The following WARS2 variants were observed in gnomAD, a reference collection of about 807,000 sequenced individuals.
WARS2 encodes tryptophan--tRNA ligase, mitochondrial.
WARS2 carries 28 observed loss-of-function variants against 36.5 expected under a neutral mutation model. That is an observed-to-expected ratio of 0.77 (90% confidence interval 0.57 to 1.05). The LOEUF is 1.05. Ranked by LOEUF, WARS2 falls within the 50% of genes least tolerant of loss-of-function variation. The pLI, the probability that WARS2 is intolerant of heterozygous loss-of-function variation, is 0.00. For missense variants in WARS2, 435 were observed against 456.8 expected, an observed-to-expected ratio of 0.95 and a Z score of 0.44; for synonymous variants, 174 against 178.4, an observed-to-expected ratio of 0.98 and a Z score of 0.20.
intron 1 of WARS2, chr1:119,085,839 A>G: frequency 6.2e-7 from 1 of 1,610,510 alleles, no homozygotes; most frequent in Non-Finnish European, 8.5e-7. Context: ...CCCTCCCAGG[A>G]AGATCCAGGC....
At chr1:119,124,584 A>G (rs1348368328) in intron 1 of WARS2, among the ~76,000 whole-genome samples, 2 of 152,122 alleles carry the variant, frequency 1.3e-5, no homozygotes, top group Non-Finnish European at 2.9e-5. Context: ...TCATGAAACC[A>G]TCTTCACCAC....
intron 1 of WARS2, chr1:119,085,693 T>C: frequency 6.8e-7 from 1 of 1,476,924 alleles, no homozygotes; most frequent in Admixed American, 1.7e-5. Flanking sequence ...ATTGTGCTCC[T>C]CTGGTCTTCA....
intron 3 of WARS2, among the ~76,000 whole-genome samples, chr1:119,043,559 C>T (rs530489619): frequency 2.6e-5 from 4 of 152,150 alleles, no homozygotes; most frequent in African/African-American, 7.2e-5. Context: ...TGCTCTAGGC[C>T]ATTCAAAGGA....
intron 1 of WARS2, among the ~76,000 whole-genome samples, chr1:119,133,452 A>G (rs1424776318): frequency 1.3e-5 from 2 of 152,236 alleles, no homozygotes; most frequent in African/African-American, 4.8e-5. Context: ...GTTTGGAATC[A>G]GGCTAGCTGG....
rs777533792 is a variant in WARS2 at position 119,042,871 on chromosome 1, G to C, written c.430-522C>G. 1.1e-4 allele frequency among the ~76,000 whole-genome samples: 17 copies of C among 152,166 alleles called. 1 individual carries two copies. The highest frequency in any genetic ancestry group is 4.4e-5 in the Non-Finnish European group (3 of 68,038). On this transcript the variant is annotated intron_variant, in intron 3 of 5. Transcript: ENST00000235521. Reference sequence around the variant, plus strand: ...CATGGCATTTAAAAAATAAAAGTAAGTGAGAGAAATATTCATCTAACCAAT... The same window carrying C: ...CATGGCATTTAAAAAATAAAAGTAACTGAGAGAAATATTCATCTAACCAAT...
intron 1 of WARS2, among the ~76,000 whole-genome samples, chr1:119,117,769 T>C (rs1286923681): frequency 6.6e-6 from 1 of 152,150 alleles, no homozygotes; most frequent in South Asian, 2.1e-4. Context: ...CACAGGACTC[T>C]TTACAGCACT....
intron 1 of WARS2, among the ~76,000 whole-genome samples, chr1:119,091,633 T>A (rs1653054434): frequency 6.6e-6 from 1 of 152,194 alleles, no homozygotes; most frequent in Non-Finnish European, 1.5e-5. Flanking sequence ...GATATACTTG[T>A]TTCATTGAGA....
intron 1 of WARS2, chr1:119,082,333 T>TA: frequency 1.0e-6 from 1 of 985,430 alleles, no homozygotes; most frequent in Non-Finnish European, 1.2e-6. Flanking sequence ...ACACGTGCTG[T>TA]ACCTACCATC....
At chr1:119,034,822 G>A (rs966156299) in intron 4 of WARS2, among the ~76,000 whole-genome samples, 4 of 152,066 alleles carry the variant, frequency 2.6e-5, no homozygotes, top group Non-Finnish European at 5.9e-5. Flanking sequence ...AAACTATGTG[G>A]GATGAAAAAA....
At chr1:119,060,630 G>A (rs528513822) in intron 2 of WARS2, among the ~76,000 whole-genome samples, 7 of 152,248 alleles carry the variant, frequency 4.6e-5, no homozygotes, top group East Asian at 1.9e-4. Flanking sequence ...AAAAATCAAC[G>A]GCCTGAAGGC....
chr1:119,119,125 C>A (rs1436697943), intron 1 of WARS2, among the ~76,000 whole-genome samples: 5 of 152,124 alleles, frequency 3.3e-5, no homozygotes, highest in African/African-American at 1.2e-4. Flanking sequence ...TTAAAAGATA[C>A]AGAATGGGAG....
intron 3 of WARS2, 83 bp downstream of exon 3, chr1:119,045,499 G>T: frequency 1.7e-6 from 2 of 1,178,470 alleles, no homozygotes; most frequent in East Asian, 2.6e-5. Flanking sequence ...CCAGGGAGGA[G>T]AGTAAACTCA....
intron 2 of WARS2, among the ~76,000 whole-genome samples, chr1:119,059,422 G>A (rs1037926602): frequency 6.6e-6 from 1 of 151,932 alleles, no homozygotes; most frequent in African/African-American, 2.4e-5. Flanking sequence ...TTTCTTCTAG[G>A]GTTTTTATGG....
chr1:119,114,263 G>A (rs1654826126), intron 1 of WARS2, among the ~76,000 whole-genome samples: 3 of 152,108 alleles, frequency 2.0e-5, no homozygotes, highest in Admixed American at 1.3e-4. Flanking sequence ...AAAACAAGTC[G>A]CCAACCTACA....
At chr1:119,138,179 C>T (rs1656648558) in intron 1 of WARS2, among the ~76,000 whole-genome samples, 1 of 152,150 alleles carries the variant, frequency 6.6e-6, no homozygotes, top group South Asian at 2.1e-4. Flanking sequence ...ATAAAAATGT[C>T]TAATGCATCT....
intron 2 of WARS2, among the ~76,000 whole-genome samples, chr1:119,052,721 C>T (rs1390502914): frequency 6.6e-6 from 1 of 152,094 alleles, no homozygotes; most frequent in African/African-American, 2.4e-5. Flanking sequence ...TTATGCTAGG[C>T]TATACAGGGT....
intron 2 of WARS2, among the ~76,000 whole-genome samples, chr1:119,067,779 T>C (rs1476901954): frequency 6.6e-6 from 1 of 152,098 alleles, no homozygotes; most frequent in Non-Finnish European, 1.5e-5. Context: ...ACAGTAAGAT[T>C]CAAGCTGAGT....
intron 2 of WARS2, among the ~76,000 whole-genome samples, chr1:119,060,067 C>T (rs977208751): frequency 6.6e-6 from 1 of 152,158 alleles, no homozygotes; most frequent in Non-Finnish European, 1.5e-5. Context: ...CAAACCTGCA[C>T]TTGTACTCCT....
intron 3 of WARS2, among the ~76,000 whole-genome samples, chr1:119,044,339 C>T: frequency 6.6e-6 from 1 of 152,104 alleles, no homozygotes; most frequent in African/African-American, 2.4e-5. Context: ...GGAATAGTTC[C>T]TATTAGATTA....
Sources: gnomAD v4.1 joint callset for allele counts (sites outside exome capture counted in the v4.1 genomes callset) on GRCh38, gnomAD v4.1.1 for gene constraint, MANE v1.5 for transcripts, NCBI Gene and HGNC (gene_info 2026-07-23, HGNC 2026-07-21) for gene names.